Variants in COL4A5 observed in about 807,000 individuals in gnomAD.
COL4A5 encodes collagen alpha-5(IV) chain.
In COL4A5, 26 loss-of-function variants were observed where a neutral mutation model predicts 130.2. That is an observed-to-expected ratio of 0.20 (90% CI 0.15 to 0.28). The LOEUF (loss-of-function observed/expected upper bound fraction) is 0.28, where lower values mean the gene tolerates loss of function less well. Ranked by LOEUF, COL4A5 falls within the 10% of genes least tolerant of loss-of-function variation. The pLI is 1.00. For synonymous variants in COL4A5, 496 were observed against 439.6 expected, an observed-to-expected ratio of 1.13 and a Z score of -1.60; for missense variants, 1,131 against 1,344.3, an observed-to-expected ratio of 0.84 and a Z score of 2.48.
intron 27 of COL4A5, among the ~76,000 whole-genome samples, chrX:108,602,617 T>C (rs1203514905): frequency 2.7e-5 from 3 of 112,336 alleles, no homozygotes; most frequent in Non-Finnish European, 5.6e-5. Flanking sequence ...CAAAATTATA[T>C]GGTAGGCCCT....
chrX:108,537,702 C>G (rs762127613), intron 1 of COL4A5, among the ~76,000 whole-genome samples: 121 of 111,927 alleles, frequency 1.1e-3, no homozygotes, highest in African/African-American at 3.5e-3. Context: ...CAACAAAAAC[C>G]CATGCACATA....
chrX:108,645,973 T>C (rs1166402792), intron 36 of COL4A5, among the ~76,000 whole-genome samples: 9 of 110,805 alleles, frequency 8.1e-5, no homozygotes, highest in African/African-American at 2.7e-4. Flanking sequence ...CTTAATCCAG[T>C]CTATCATTGT....
At chrX:108,526,671 CTCT>C (rs1227668106) in intron 1 of COL4A5, among the ~76,000 whole-genome samples, 3 of 41,868 alleles carry the variant, frequency 7.2e-5, no homozygotes, top group African/African-American at 1.0e-4. Flanking sequence ...TTCTTTCTTT[CTCT>C]TTCTTTCTTT....
chrX:108,645,995 G>A (rs2067576873), intron 36 of COL4A5, among the ~76,000 whole-genome samples: 1 of 110,387 alleles, frequency 9.1e-6, no homozygotes, highest in African/African-American at 3.4e-5. Flanking sequence ...GGACATTTGA[G>A]TTGGTTCCAA....
chrX:108,639,525 A>T (rs1426458108), intron 36 of COL4A5, among the ~76,000 whole-genome samples: 1 of 111,855 alleles, frequency 8.9e-6, no homozygotes, highest in East Asian at 2.8e-4. Flanking sequence ...AAGAAAAAAT[A>T]GATTAATTGG....
intron 43 of COL4A5, among the ~76,000 whole-genome samples, chrX:108,676,452 C>T (rs1019442316): frequency 9.0e-6 from 1 of 111,499 alleles, no homozygotes; most frequent in Non-Finnish European, 1.9e-5. Context: ...TCCCTGGTTG[C>T]TTAATGGACC....
chrX:108,447,181 A>G (rs1182357932), intron 1 of COL4A5, among the ~76,000 whole-genome samples: 1 of 111,277 alleles, frequency 9.0e-6, no homozygotes, highest in East Asian at 2.8e-4. Flanking sequence ...TTACACTTAA[A>G]TGGCTGTGTC....
At chrX:108,464,025 A>G (rs1370404380) in intron 1 of COL4A5, among the ~76,000 whole-genome samples, 2 of 111,899 alleles carry the variant, frequency 1.8e-5, no homozygotes, top group Non-Finnish European at 3.8e-5. Flanking sequence ...CTCGACTTGT[A>G]TCGAGACTCT....
chrX:108,544,418 T>C (rs1452477501), intron 2 of COL4A5, among the ~76,000 whole-genome samples: 1 of 112,365 alleles, frequency 8.9e-6, no homozygotes, highest in Non-Finnish European at 1.9e-5. Flanking sequence ...CATTTATTGA[T>C]TGGCGTATGT....
At chrX:108,639,235 A>T (rs755190878) in intron 36 of COL4A5, among the ~76,000 whole-genome samples, 1 of 111,284 alleles carries the variant, frequency 9.0e-6, no homozygotes, top group Admixed American at 9.5e-5. Context: ...ACCAGAGATA[A>T]AATCTCTGGT....
intron 37 of COL4A5, among the ~76,000 whole-genome samples, chrX:108,658,507 A>G (rs1415997424): frequency 9.0e-6 from 1 of 111,185 alleles, no homozygotes; most frequent in Non-Finnish European, 1.9e-5. Flanking sequence ...TAAATGTTTC[A>G]TAGAATTCAC....
At chrX:108,461,347 T>G (rs2064649201) in intron 1 of COL4A5, among the ~76,000 whole-genome samples, 1 of 111,645 alleles carries the variant, frequency 9.0e-6, no homozygotes, top group African/African-American at 3.3e-5. Flanking sequence ...TGTTATAATT[T>G]GAAATTGGTA....
chrX:108,486,849 C>T (rs2064949799), intron 1 of COL4A5, among the ~76,000 whole-genome samples: 1 of 111,991 alleles, frequency 8.9e-6, no homozygotes. Flanking sequence ...GGGCTGGTTT[C>T]CATATTTTTG....
rs1169821288 is a variant in COL4A5, at chrX:108,687,567, A to T, written c.4401A>T (p.Gly1467=). Residue 1467 remains glycine, a synonymous_variant, in exon 49 of 53, where the codon GGA becomes GGT. Transcript: ENST00000328300. ...CTGGAACCTCCTCTGTTGCACATGGATTTCTTATTACACGCCACAGCCAGA... is the reference window on the plus strand; with the variant it reads ...CTGGAACCTCCTCTGTTGCACATGGTTTTCTTATTACACGCCACAGCCAGA... ...GPPGTSSVAH[G]FLITRHSQTT... 8 of 1,209,543 alleles carry T rather than the reference A, an allele frequency of 6.6e-6. No individual in the cohort carries two copies. The highest frequency in any genetic ancestry group is 8.9e-6 in the Non-Finnish European group (8 of 895,026).
At position 108,580,974 on chromosome X, in the gene COL4A5, A is replaced by G. The variant is rs2066236638; in HGVS notation, c.892-9A>G. The stretch of plus-strand genomic sequence containing the variant: ...TGTTGTTGCCCTATCATTTCTTTGT[A>G]TCCTATAGGGTAAACCAGGCAAAGA... On this transcript the variant is annotated splice_polypyrimidine_tract_variant and intron_variant, in intron 15 of 52. Coordinates refer to ENST00000328300, the MANE Select transcript of COL4A5 (RefSeq NM_033380.3). The G allele has an allele frequency of 1.7e-6, 2 of 1,202,415 alleles. No individual in the cohort carries two copies. The highest frequency in any genetic ancestry group is 2.3e-6 in the Non-Finnish European group (2 of 888,707).
chrX:108,514,698 A>G (rs929331039), intron 1 of COL4A5, among the ~76,000 whole-genome samples: 1 of 112,302 alleles, frequency 8.9e-6, no homozygotes, highest in African/African-American at 3.2e-5. Flanking sequence ...AATTGTATCA[A>G]AAAAGTAAAG....
At chrX:108,579,769 C>T (rs948065608) in intron 13 of COL4A5, among the ~76,000 whole-genome samples, 7 of 111,694 alleles carry the variant, frequency 6.3e-5, no homozygotes, top group Admixed American at 5.7e-4. Flanking sequence ...ATGAATTTGG[C>T]CATTTAATTA....
At position 108,577,839 on chromosome X, in the gene COL4A5, A is replaced by T. The variant is rs759495506; in HGVS notation, c.610-113A>T. ...TCTGACTAAAATGAAAACAAACAAG[A>T]AAATACTATTTTGATGGGCTTTTTC... On this transcript the variant is annotated intron_variant, in intron 10 of 52. Transcript: ENST00000328300. The T allele has an allele frequency of 9.1e-5, 57 of 629,690 alleles. No homozygotes were observed. The African/African-American group carries it at 1.2e-3, about 13-fold the overall frequency. 51.9% of individuals were successfully genotyped at this position (629,690 alleles called of 1,213,427 possible). A position where few individuals can be genotyped will look rare whatever the true frequency, so the allele number is the denominator to read the frequency against.
intron 4 of COL4A5, 52 bp downstream of exon 4, chrX:108,563,978 G>T: frequency 9.8e-7 from 1 of 1,015,881 alleles, no homozygotes; most frequent in South Asian, 2.0e-5. Context: ...AACAGATAGA[G>T]AACAAATGAA....
Sources: allele counts gnomAD v4.1 joint callset (sites outside exome capture counted in the v4.1 genomes callset), GRCh38; gene constraint gnomAD v4.1.1; transcripts MANE v1.5; gene names NCBI Gene and HGNC (gene_info 2026-07-23, HGNC 2026-07-21).